SLC39A10: variants seen among roughly 807,000 people sequenced by gnomAD.
SLC39A10 encodes solute carrier family 39 member 10.
A neutral mutation model predicts 65.1 loss-of-function variants in SLC39A10; 13 were observed. The ratio of observed to expected loss-of-function variants is 0.20; its 90% CI spans 0.13 to 0.32. The LOEUF (loss-of-function observed/expected upper bound fraction) is 0.32. Ranked by LOEUF, SLC39A10 falls within the 10% of genes least tolerant of loss-of-function variation. SLC39A10 has a pLI of 1.00. For synonymous variants in SLC39A10, 321 were observed against 342.2 expected (o/e 0.94, Z 0.68); for missense variants, 831 against 1,018.4 (o/e 0.82, Z 2.50).
chr2:195,680,004 A>T lies in SLC39A10; in HGVS notation c.-11-28A>T, dbSNP rs1690238978. ...TGAATGTGTCTAGGTAGAAACTAAT[A>T]CTTGTCTCTCTCTTTAAATCTCTTT... is the stretch of plus-strand genomic sequence containing the variant. On this transcript the variant is annotated intron_variant, in intron 1 of 9. Transcript: ENST00000359634. 2.6e-6 allele frequency: 4 copies of T among 1,529,462 alleles called. No individual in the cohort carries two copies. In the East Asian group the frequency reaches 9.0e-5, roughly 35 times the overall value. 94.7% of individuals were successfully genotyped at this position (1,529,462 alleles called of 1,614,324 possible).
At chr2:195,651,174 T>C (rs543532917) in intron 2 of SLC39A10, among the ~76,000 whole-genome samples, 2 of 152,214 alleles carry the variant, frequency 1.3e-5, no homozygotes, top group South Asian at 4.1e-4. Context: ...TATCCTACCT[T>C]AGTCTTTAGA....
Position 195,713,416 on chromosome 2 carries a change from T to G in SLC39A10, c.1576-17T>G. 6.6e-7 allele frequency: 1 copy of G among 1,521,498 alleles called. No individual in the cohort carries two copies. Among genetic ancestry groups the G allele is most frequent in the Non-Finnish European group, 8.8e-7 (1 of 1,135,444 alleles). 94.2% of individuals were successfully genotyped at this position (1,521,498 alleles called of 1,614,324 possible). On this transcript the variant is annotated splice_polypyrimidine_tract_variant and intron_variant, in intron 5 of 9. Transcript: ENST00000359634. The stretch of plus-strand genomic sequence containing the variant: ...ATTTTATACTAATATCAGATACTAT[T>G]TTTTTTCTTTTTTTAGGGAAAACAG...
chr2:195,647,760 T>C (rs889165118), intron 2 of SLC39A10, among the ~76,000 whole-genome samples: 2 of 152,042 alleles, frequency 1.3e-5, no homozygotes, highest in African/African-American at 2.4e-5. Context: ...TCTCATTTGT[T>C]CACCCTTGTA....
At chr2:195,724,320 A>C (rs1362466441) in intron 8 of SLC39A10, among the ~76,000 whole-genome samples, 28 of 152,188 alleles carry the variant, frequency 1.8e-4, no homozygotes, top group Non-Finnish European at 7.4e-5. Context: ...ATAGATTTGC[A>C]TGTTTACTAT....
At chr2:195,651,080 GT>G (rs35709403) in intron 2 of SLC39A10, among the ~76,000 whole-genome samples, 100 of 142,620 alleles carry the variant, frequency 7.0e-4, no homozygotes, top group Admixed American at 1.3e-3. Context: ...CAAAAAAAAT[GT>G]TTTTTTTTTT....
rs147003773 is a variant in SLC39A10, at chr2:195,708,763, A to G, written c.1494A>G (p.Gly498=). Residue 498 remains glycine, a synonymous_variant, in exon 5 of 10, where the codon GGA becomes GGG. Coordinates refer to ENST00000359634, the MANE Select transcript of SLC39A10 (RefSeq NM_020342.3). ...FLEEYDAVLK[G]LVALGGIYLL... ...AAGAATATGATGCTGTATTGAAAGG[A>G]CTTGTTGCTCTAGGAGGCATTTACT... 3.5e-5 allele frequency: 57 copies of G among 1,613,376 alleles called. No homozygotes were observed. In the African/African-American group the frequency reaches 7.1e-4, roughly 20 times the overall value.
At position 195,650,778 on chromosome 2, in the gene SLC39A10, C is replaced by T. The variant is rs998015255; in HGVS notation, c.-11-29254C>T. ...CCTACCAATTCAGAATGATCTCAGG[C>T]GCATCAGACAAGTTTGTCCCTCACC... On this transcript the variant is annotated intron_variant, in intron 2 of 2. Transcript: ENST00000458054. Among the ~76,000 whole-genome samples the T allele has an allele frequency of 3.9e-5, 6 of 152,206 alleles. No individual in the cohort carries two copies. In the South Asian group the frequency reaches 6.2e-4, roughly 16 times the overall value.
At chr2:195,711,364 C>G (rs531349123) in intron 5 of SLC39A10, among the ~76,000 whole-genome samples, 5 of 152,232 alleles carry the variant, frequency 3.3e-5, no homozygotes, top group Admixed American at 1.3e-4. Flanking sequence ...AAAACTGATA[C>G]AAGAATGGAG....
intron 3 of SLC39A10, among the ~76,000 whole-genome samples, chr2:195,698,484 T>C (rs1223215140): frequency 6.6e-6 from 1 of 152,062 alleles, no homozygotes; most frequent in Non-Finnish European, 1.5e-5. Context: ...TTATGTAAGG[T>C]TGTTTCTGTC....
At chr2:195,646,609 T>C (rs1688922204) in intron 2 of SLC39A10, among the ~76,000 whole-genome samples, 1 of 150,274 alleles carries the variant, frequency 6.7e-6, no homozygotes, top group African/African-American at 2.5e-5. Flanking sequence ...TCAGGGGTCC[T>C]CACCCCCCAC....
chr2:195,624,454 A>G (rs1464372288), intron 2 of SLC39A10, among the ~76,000 whole-genome samples: 1 of 151,766 alleles, frequency 6.6e-6, no homozygotes, highest in African/African-American at 2.4e-5. Flanking sequence ...ACTAAAAAAT[A>G]AAAAATAACT....
intron 5 of SLC39A10, among the ~76,000 whole-genome samples, chr2:195,709,056 C>T (rs1691508937): frequency 6.6e-6 from 1 of 151,864 alleles, no homozygotes; most frequent in Admixed American, 6.6e-5. Flanking sequence ...ACAGGGTCTC[C>T]CTCTGTCACC....
At chr2:195,619,649 G>T (rs1270102383) in intron 2 of SLC39A10, among the ~76,000 whole-genome samples, 1 of 152,142 alleles carries the variant, frequency 6.6e-6, no homozygotes, top group African/African-American at 2.4e-5. Context: ...AATTAGATCT[G>T]TGAATTCCCA....
intron 1 of SLC39A10, among the ~76,000 whole-genome samples, chr2:195,674,887 G>A (rs1690023844): frequency 6.6e-6 from 1 of 152,088 alleles, no homozygotes; most frequent in Non-Finnish European, 1.5e-5. Context: ...ACATAGAAAA[G>A]GTACAGTAAA....
intron 2 of SLC39A10, among the ~76,000 whole-genome samples, chr2:195,626,741 G>A (rs1188939690): frequency 6.6e-6 from 1 of 152,196 alleles, no homozygotes; most frequent in Non-Finnish European, 1.5e-5. Flanking sequence ...CAGCTGGAAA[G>A]TATTTGTGCA....
At chr2:195,638,703 C>A (rs1277883398) in intron 2 of SLC39A10, among the ~76,000 whole-genome samples, 2 of 152,022 alleles carry the variant, frequency 1.3e-5, no homozygotes, top group South Asian at 2.1e-4. Context: ...TTCTATATAC[C>A]CCCCATCCAG....
intron 2 of SLC39A10, among the ~76,000 whole-genome samples, chr2:195,630,175 A>C (rs1190412217): frequency 2.1e-5 from 3 of 145,794 alleles, no homozygotes; most frequent in Middle Eastern, 3.5e-3. Flanking sequence ...ATAAACTGAG[A>C]CAAGTTTAAT....
chr2:195,737,207 T>TTCAAG lies in SLC39A10; in HGVS notation c.*2169_*2173dup, dbSNP rs1205378842. The TTCAAG allele has an allele frequency of 1.3e-5, 2 of 152,644 alleles. No individual in the cohort carries two copies. The highest frequency in any genetic ancestry group is 6.5e-5 in the Admixed American group (1 of 15,270). 9.5% of individuals were successfully genotyped at this position (152,644 alleles called of 1,614,324 possible). A position where few individuals can be genotyped will look rare whatever the true frequency, so the allele number is the denominator to read the frequency against. On this transcript the variant is annotated 3_prime_UTR_variant, in exon 10 of 10. Coordinates refer to ENST00000359634, the MANE Select transcript of SLC39A10 (RefSeq NM_020342.3). The stretch of plus-strand genomic sequence containing the variant: ...GTTCCACATCATTCTAATGTATAGT[T>TTCAAG]TCAAGTCTTAATAGACAATCTGAAT...
At position 195,693,772 on chromosome 2, in the gene SLC39A10, G is replaced by A. The variant is rs183942348; in HGVS notation, c.1216+9866G>A. On this transcript the variant is annotated intron_variant, in intron 3 of 9. Transcript: ENST00000359634. ...CAACTTTTTGTTTCATTTATCTTTT[G>A]TATTGTTGTTTGTTTGTTTCAGTTT... Among the ~76,000 whole-genome samples the A allele has an allele frequency of 1.1e-3, 169 of 152,020 alleles. No homozygotes were observed. The East Asian group carries it at 0.014, about 13-fold the overall frequency.
Sources: allele counts gnomAD v4.1 joint callset (sites outside exome capture counted in the v4.1 genomes callset), GRCh38; gene constraint gnomAD v4.1.1; transcripts MANE v1.5; gene names NCBI Gene and HGNC (gene_info 2026-07-23, HGNC 2026-07-21).